SLC9A9: variants seen among roughly 807,000 people sequenced by gnomAD.
SLC9A9 encodes the protein solute carrier family 9 member A9, also known as sodium/hydrogen exchanger 9.
Under a neutral mutation model 77.8 loss-of-function variants are expected in SLC9A9, and 62 were observed. That is an observed-to-expected ratio of 0.80 (90% CI 0.65 to 0.98). The LOEUF (loss-of-function observed/expected upper bound fraction) is 0.98, where lower values mean the gene tolerates loss of function less well. SLC9A9 is among the 50% of genes least tolerant of loss of function. The probability of loss-of-function intolerance (pLI) is 0.00; values close to 1 mark genes in which losing one functional copy is unlikely to be tolerated. For synonymous variants in SLC9A9, 320 were observed against 283.5 expected (o/e 1.13, Z -1.29); for missense variants, 775 against 774.9 (o/e 1.00, Z 0.00).
chr3:143,422,139 G>C (rs1363583677), intron 12 of SLC9A9, among the ~76,000 whole-genome samples: 22 of 152,154 alleles, frequency 1.4e-4, no homozygotes, highest in Non-Finnish European at 7.3e-5. Context: ...CTCATACACT[G>C]TAGATGGGAA....
chr3:143,820,868 A>G (rs931182461), intron 2 of SLC9A9, among the ~76,000 whole-genome samples: 30 of 152,010 alleles, frequency 2.0e-4, no homozygotes, highest in African/African-American at 7.0e-4. Flanking sequence ...TCACTTCAGA[A>G]TATACAGGAG....
At chr3:143,673,900 T>G (rs1382922218) in intron 5 of SLC9A9, among the ~76,000 whole-genome samples, 1 of 152,106 alleles carries the variant, frequency 6.6e-6, no homozygotes, top group Non-Finnish European at 1.5e-5. Flanking sequence ...AGATTTACCG[T>G]GGAAGTGGAT....
intron 7 of SLC9A9, among the ~76,000 whole-genome samples, chr3:143,576,926 G>C (rs1254209683): frequency 1.3e-5 from 2 of 152,138 alleles, no homozygotes; most frequent in African/African-American, 4.8e-5. Context: ...ATGAAACTTT[G>C]GAGTAGCCTT....
In SLC9A9 at chr3:143,707,170, C is replaced by G. The variant is rs925612529; in HGVS notation, c.534-13863G>C. 2.0e-5 allele frequency among the ~76,000 whole-genome samples: 3 copies of G among 152,272 alleles called. No homozygotes were observed. The East Asian group carries it at 5.8e-4, about 29-fold the overall frequency. On this transcript the variant is annotated intron_variant, in intron 4 of 15. Coordinates refer to ENST00000316549, the MANE Select transcript of SLC9A9 (RefSeq NM_173653.4). ...CCACAGTTCTCCTTTTCCCTGGCCT[C>G]TACTGTCTTCTTAGCTGTCTTCTGT...
intron 6 of SLC9A9, among the ~76,000 whole-genome samples, chr3:143,631,561 CA>C (rs1333698641): frequency 6.6e-6 from 1 of 152,116 alleles, no homozygotes; most frequent in African/African-American, 2.4e-5. Context: ...TTGATAGAGA[CA>C]TGAGCACAAA....
chr3:143,395,262 T>C (rs1465796373), intron 12 of SLC9A9, among the ~76,000 whole-genome samples: 1 of 152,058 alleles, frequency 6.6e-6, no homozygotes, highest in Admixed American at 6.5e-5. Flanking sequence ...TATAGACCAA[T>C]GGAACAGAAC....
At chr3:143,721,195 A>T (rs570480411) in intron 4 of SLC9A9, among the ~76,000 whole-genome samples, 7 of 152,150 alleles carry the variant, frequency 4.6e-5, no homozygotes, top group South Asian at 4.2e-4. Flanking sequence ...CTTCCCCCAC[A>T]CCCCCAAAAA....
At chr3:143,715,008 GCT>G (rs1029201771) in intron 4 of SLC9A9, among the ~76,000 whole-genome samples, 21 of 152,256 alleles carry the variant, frequency 1.4e-4, no homozygotes, top group Admixed American at 2.6e-4. Flanking sequence ...CCCTGCACAA[GCT>G]CTCTTTTTGC....
intron 4 of SLC9A9, among the ~76,000 whole-genome samples, chr3:143,761,857 T>C (rs1244293545): frequency 1.3e-5 from 2 of 152,160 alleles, no homozygotes; most frequent in Non-Finnish European, 2.9e-5. Flanking sequence ...ACCCAAAGGA[T>C]TATAAATCAT....
chr3:143,490,932 C>T (rs2035733658), intron 11 of SLC9A9, among the ~76,000 whole-genome samples: 1 of 152,138 alleles, frequency 6.6e-6, no homozygotes, highest in Non-Finnish European at 1.5e-5. Context: ...TCAATATTAA[C>T]TTTTATTAAA....
intron 14 of SLC9A9, among the ~76,000 whole-genome samples, chr3:143,298,782 T>G (rs1363594930): frequency 6.6e-6 from 1 of 152,214 alleles, no homozygotes; most frequent in African/African-American, 2.4e-5. Flanking sequence ...TAGGCAGATC[T>G]CTTATGAAAG....
At position 143,450,061 on chromosome 3, in the gene SLC9A9, A is replaced by ATACAT. The variant is rs1270934541; in HGVS notation, c.1469+16975_1469+16976insATGTA. Reference sequence around the variant, plus strand: ...TATATGTATATATACACACATATATAATATGTATATATAATATAACATATA... The same window carrying ATACAT: ...TATATGTATATATACACACATATATATACATATATGTATATATAATATAACATATA... On this transcript the variant is annotated intron_variant, in intron 12 of 15. Transcript: ENST00000316549. Among the ~76,000 whole-genome samples, 238 of 40,324 alleles carry ATACAT rather than the reference A, an allele frequency of 5.9e-3. 3 individuals are homozygous for ATACAT. Among genetic ancestry groups the ATACAT allele is most frequent in the African/African-American group, 0.024 (228 of 9,698 alleles). 26.5% of individuals were successfully genotyped at this position (40,324 alleles called of 152,430 possible). A position where few individuals can be genotyped will look rare whatever the true frequency, so the allele number is the denominator to read the frequency against.
intron 6 of SLC9A9, among the ~76,000 whole-genome samples, chr3:143,621,908 A>AGAAGT (rs1287396147): frequency 6.6e-6 from 1 of 152,240 alleles, no homozygotes; most frequent in Non-Finnish European, 1.5e-5. Flanking sequence ...AGCAATGCAG[A>AGAAGT]GAAGTGCTTA....
chr3:143,792,880 A>G (rs994370256), intron 4 of SLC9A9, among the ~76,000 whole-genome samples: 3 of 152,148 alleles, frequency 2.0e-5, no homozygotes, highest in Non-Finnish European at 4.4e-5. Flanking sequence ...CGCAGCTACC[A>G]AAATGACCTC....
intron 6 of SLC9A9, among the ~76,000 whole-genome samples, chr3:143,595,937 A>C (rs535636316): frequency 1.3e-5 from 2 of 152,324 alleles, no homozygotes; most frequent in South Asian, 4.1e-4. Context: ...CTTAGTAAAA[A>C]AAATTAAAAT....
intron 11 of SLC9A9, among the ~76,000 whole-genome samples, chr3:143,482,873 C>A (rs578204374): frequency 6.6e-6 from 1 of 152,098 alleles, no homozygotes; most frequent in Non-Finnish European, 1.5e-5. Flanking sequence ...AGAGCTGAGG[C>A]GGGGTTGTTC....
chr3:143,481,535 G>T (rs1216884644), intron 11 of SLC9A9, among the ~76,000 whole-genome samples: 2 of 152,198 alleles, frequency 1.3e-5, no homozygotes, highest in East Asian at 3.8e-4. Context: ...ATCTAGGAGG[G>T]TCTAAAGCCA....
intron 14 of SLC9A9, among the ~76,000 whole-genome samples, chr3:143,306,001 T>C (rs895958998): frequency 6.6e-6 from 1 of 152,186 alleles, no homozygotes; most frequent in Non-Finnish European, 1.5e-5. Context: ...AAGCAGATTA[T>C]GAACATTTGA....
chr3:143,720,245 A>ATG (rs1286628072), intron 4 of SLC9A9, among the ~76,000 whole-genome samples: 2 of 144,450 alleles, frequency 1.4e-5, no homozygotes, highest in South Asian at 2.4e-4. Flanking sequence ...TATTTTATAT[A>ATG]TATATATTTT....
Sources: allele counts gnomAD v4.1 joint callset (sites outside exome capture counted in the v4.1 genomes callset), GRCh38; gene constraint gnomAD v4.1.1; transcripts MANE v1.5; gene names NCBI Gene and HGNC (gene_info 2026-07-23, HGNC 2026-07-21).